Variants in AHCYL2 observed in about 807,000 individuals in gnomAD.
AHCYL2 encodes the protein S-adenosylhomocysteine hydrolase-like protein 2.
A neutral mutation model predicts 81.4 loss-of-function variants in AHCYL2; 28 were observed. The observed-to-expected ratio is 0.34, with a 90% CI of 0.25 to 0.47. The LOEUF (loss-of-function observed/expected upper bound fraction) is 0.47. Among genes scored for constraint, AHCYL2 ranks in the 20% least tolerant of loss-of-function variants. The pLI, the probability that AHCYL2 is intolerant of heterozygous loss-of-function variation, is 1.00. For missense variants in AHCYL2, 551 were observed against 785.1 expected (o/e 0.70, Z 3.56); for synonymous variants, 272 against 290.2 (o/e 0.94, Z 0.64).
chr7:129,324,475 C>A (rs1798148112), intron 1 of AHCYL2, among the ~76,000 whole-genome samples: 1 of 152,076 alleles, frequency 6.6e-6, no homozygotes, highest in African/African-American at 2.4e-5. Flanking sequence ...ATTAATTAAG[C>A]ATATTGTAAT....
At chr7:129,352,438 T>C (rs1289781243) in intron 1 of AHCYL2, among the ~76,000 whole-genome samples, 1 of 152,180 alleles carries the variant, frequency 6.6e-6, no homozygotes, top group Admixed American at 6.5e-5. Flanking sequence ...TATCTATATA[T>C]ATACTGTGTC....
chr7:129,269,046 A>G (rs1486411626), intron 1 of AHCYL2, among the ~76,000 whole-genome samples: 1 of 151,938 alleles, frequency 6.6e-6, no homozygotes, highest in African/African-American at 2.4e-5. Flanking sequence ...GACATTTCAT[A>G]TAAATGGGAT....
chr7:129,313,995 A>G (rs771080874), intron 1 of AHCYL2, among the ~76,000 whole-genome samples: 31 of 152,252 alleles, frequency 2.0e-4, no homozygotes, highest in Non-Finnish European at 4.1e-4. Context: ...ATTAGAGAAT[A>G]TAACTAAAAA....
intron 1 of AHCYL2, among the ~76,000 whole-genome samples, chr7:129,239,650 C>T (rs1396469197): frequency 6.6e-6 from 1 of 151,868 alleles, no homozygotes; most frequent in Non-Finnish European, 1.5e-5. Flanking sequence ...AGTAGAAAAG[C>T]AAGAAAATAA....
At chr7:129,267,271 A>G (rs1170425553) in intron 1 of AHCYL2, among the ~76,000 whole-genome samples, 2 of 26,556 alleles carry the variant, frequency 7.5e-5, no homozygotes, top group East Asian at 9.9e-4. Context: ...GTGTGTGTGT[A>G]CACCCTCCAA....
intron 1 of AHCYL2, among the ~76,000 whole-genome samples, chr7:129,373,381 T>C (rs924653308): frequency 6.6e-6 from 1 of 151,804 alleles, no homozygotes; most frequent in Non-Finnish European, 1.5e-5. Flanking sequence ...GATGGAACTT[T>C]TTAAGTTTTT....
chr7:129,393,064 T>C (rs187892005), intron 4 of AHCYL2, among the ~76,000 whole-genome samples: 1 of 152,358 alleles, frequency 6.6e-6, no homozygotes, highest in African/African-American at 2.4e-5. Context: ...AATCCCTTGA[T>C]TGAGGTGGTG....
Position 129,409,551 on chromosome 7 carries a change from GATA to G in AHCYL2, c.1366+8_1366+10del. On this transcript the variant is annotated splice_donor_region_variant and intron_variant, in intron 11 of 16. Coordinates refer to ENST00000325006, the MANE Select transcript of AHCYL2 (RefSeq NM_015328.4). Reference sequence around the variant, plus strand: ...ACATTGTTATTACCTGTACAGGTATGATAATGACATTTTAAATGGGGTGGCACT... The same window carrying G: ...ACATTGTTATTACCTGTACAGGTATGATGACATTTTAAATGGGGTGGCACT... 1 of 1,599,432 alleles carries G rather than the reference GATA, an allele frequency of 6.3e-7. No individual in the cohort carries two copies. The highest frequency in any genetic ancestry group is 8.5e-7 in the Non-Finnish European group (1 of 1,169,750).
intron 1 of AHCYL2, among the ~76,000 whole-genome samples, chr7:129,271,768 A>G (rs984650924): frequency 6.6e-6 from 1 of 152,378 alleles, no homozygotes; most frequent in Admixed American, 6.5e-5. Context: ...TAGAAAAGAT[A>G]GGATAAATAG....
chr7:129,307,129 T>C (rs2694586), intron 1 of AHCYL2, among the ~76,000 whole-genome samples: 133,803 of 152,152 alleles, frequency 0.88, 59,186 homozygotes, highest in East Asian at 0.98. Context: ...ACTCAAGGCC[T>C]TAGGGCTCTA....
chr7:129,389,334 A>T, intron 3 of AHCYL2, 135 bp downstream of exon 3: 1 of 1,033,682 alleles, frequency 9.7e-7, no homozygotes, highest in Non-Finnish European at 1.4e-6. Context: ...AAGAAATGTG[A>T]GTTCAAGAAA....
At chr7:129,263,462 G>A (rs1795712014) in intron 1 of AHCYL2, among the ~76,000 whole-genome samples, 1 of 152,158 alleles carries the variant, frequency 6.6e-6, no homozygotes, top group Non-Finnish European at 1.5e-5. Flanking sequence ...GAATAATAAT[G>A]GCATCTATTT....
chr7:129,414,951 G>A (rs1286140679), intron 12 of AHCYL2, among the ~76,000 whole-genome samples: 2 of 152,032 alleles, frequency 1.3e-5, no homozygotes, highest in Non-Finnish European at 2.9e-5. Context: ...TATTATATAT[G>A]GTTTCCCTTT....
At chr7:129,370,398 TAA>T (rs1794323035) in intron 1 of AHCYL2, among the ~76,000 whole-genome samples, 1 of 131,520 alleles carries the variant, frequency 7.6e-6, no homozygotes, top group South Asian at 2.9e-4. Flanking sequence ...TGGTAAAAAA[TAA>T]ATAAAAAAAT....
At chr7:129,344,057 G>A (rs1175107272) in intron 1 of AHCYL2, among the ~76,000 whole-genome samples, 1 of 152,106 alleles carries the variant, frequency 6.6e-6, no homozygotes, top group Non-Finnish European at 1.5e-5. Flanking sequence ...CGAGAGAAGT[G>A]CAAATTAAAA....
intron 1 of AHCYL2, among the ~76,000 whole-genome samples, chr7:129,365,604 A>G (rs1794080855): frequency 7.3e-6 from 1 of 137,496 alleles, no homozygotes; most frequent in African/African-American, 2.8e-5. Context: ...AGTAGCAGAT[A>G]ATACAGTTTA....
At chr7:129,269,622 A>T (rs1028015016) in intron 1 of AHCYL2, among the ~76,000 whole-genome samples, 2 of 151,444 alleles carry the variant, frequency 1.3e-5, no homozygotes, top group African/African-American at 2.4e-5. Flanking sequence ...TTTAATAGAG[A>T]TGGGGGTCTC....
At chr7:129,326,591 A>G (rs1322838626) in intron 1 of AHCYL2, among the ~76,000 whole-genome samples, 1 of 152,098 alleles carries the variant, frequency 6.6e-6, no homozygotes, top group Non-Finnish European at 1.5e-5. Flanking sequence ...GCAGGGGAAC[A>G]TTCAACTACT....
At chr7:129,389,569 CT>C in intron 3 of AHCYL2, 64 bp from the exon 4 acceptor site, 2 of 1,344,036 alleles carry the variant, frequency 1.5e-6, no homozygotes, top group Non-Finnish European at 1.0e-6. Flanking sequence ...ACAAGTTTTT[CT>C]GTTTGTTCTT....
Sources: allele counts gnomAD v4.1 joint callset (sites outside exome capture counted in the v4.1 genomes callset), GRCh38; gene constraint gnomAD v4.1.1; transcripts MANE v1.5; gene names NCBI Gene and HGNC (gene_info 2026-07-23, HGNC 2026-07-21).